The following EPS15 variants were observed in gnomAD, a reference collection of about 807,000 sequenced individuals.
EPS15 encodes epidermal growth factor receptor pathway substrate 15.
A neutral mutation model predicts 113.8 loss-of-function variants in EPS15; 72 were observed. The observed-to-expected ratio is 0.63, with a 90% CI of 0.52 to 0.77. The LOEUF (loss-of-function observed/expected upper bound fraction) is 0.77. Ranked by LOEUF, EPS15 falls within the 30% of genes least tolerant of loss-of-function variation. The probability of loss-of-function intolerance (pLI) is 0.00; values close to 1 mark genes in which losing one functional copy is unlikely to be tolerated. For missense variants in EPS15, 1,048 were observed against 1,045.8 expected (o/e 1.00, Z -0.03); for synonymous variants, 344 against 363.4 (o/e 0.95, Z 0.61).
intron 2 of EPS15, among the ~76,000 whole-genome samples, chr1:51,474,127 T>C (rs12737451): frequency 0.053 from 8,138 of 152,354 alleles, 310 homozygotes; most frequent in Non-Finnish European, 0.084. Flanking sequence ...TTCCATTCTT[T>C]TGGTTACCCT....
At chr1:51,474,343 C>T (rs1206273571) in intron 2 of EPS15, among the ~76,000 whole-genome samples, 1 of 152,176 alleles carries the variant, frequency 6.6e-6, no homozygotes, top group Non-Finnish European at 1.5e-5. Context: ...GAATTATTAA[C>T]ATTTCAAAAA....
intron 2 of EPS15, among the ~76,000 whole-genome samples, chr1:51,475,862 G>A (rs1383589315): frequency 1.3e-5 from 2 of 152,176 alleles, no homozygotes; most frequent in Non-Finnish European, 2.9e-5. Context: ...TTTGTAGAAG[G>A]TGTAAGGAAC....
At chr1:51,499,397 T>C (rs2148548388) in intron 1 of EPS15, among the ~76,000 whole-genome samples, 1 of 152,358 alleles carries the variant, frequency 6.6e-6, no homozygotes, top group East Asian at 1.9e-4. Context: ...GGGTTATTTC[T>C]ACCTTTTAAT....
chr1:51,494,044 A>G (rs1644287499), intron 1 of EPS15, among the ~76,000 whole-genome samples: 2 of 152,158 alleles, frequency 1.3e-5, no homozygotes, highest in Admixed American at 1.3e-4. Flanking sequence ...CCAACCCTAC[A>G]TCAAATTTAG....
intron 13 of EPS15, among the ~76,000 whole-genome samples, chr1:51,410,397 A>AG (rs1649596483): frequency 6.6e-6 from 1 of 152,112 alleles, no homozygotes; most frequent in Non-Finnish European, 1.5e-5. Context: ...GTCTCCAAAA[A>AG]AAAAAAAAAG....
intron 21 of EPS15, among the ~76,000 whole-genome samples, chr1:51,376,877 A>T (rs1015408624): frequency 1.3e-5 from 2 of 152,230 alleles, no homozygotes; most frequent in Non-Finnish European, 2.9e-5. Flanking sequence ...TTATAAGGCT[A>T]TAGCTGCCAT....
chr1:51,396,933 TG>T (rs2148409920), intron 20 of EPS15, among the ~76,000 whole-genome samples: 1 of 152,008 alleles, frequency 6.6e-6, no homozygotes, highest in South Asian at 2.1e-4. Context: ...CAAGCTGGAG[TG>T]CTGTGGTACA....
chr1:51,387,236 G>T (rs1647106206), intron 21 of EPS15, among the ~76,000 whole-genome samples: 1 of 151,868 alleles, frequency 6.6e-6, no homozygotes, highest in African/African-American at 2.4e-5. Flanking sequence ...ATAAGTGAAG[G>T]AGAAATAAAA....
intron 1 of EPS15, among the ~76,000 whole-genome samples, chr1:51,500,096 T>C (rs761308476): frequency 6.6e-6 from 1 of 152,246 alleles, no homozygotes; most frequent in Admixed American, 6.5e-5. Flanking sequence ...CTTTAAGATT[T>C]TTCCTTCTTG....
chr1:51,399,213 C>A, intron 19 of EPS15, 48 bp from the exon 20 acceptor site: 1 of 1,571,174 alleles, frequency 6.4e-7, no homozygotes. Flanking sequence ...AATTATTGCA[C>A]TAAATTTCCC....
chr1:51,448,140 A>C lies in EPS15; in HGVS notation c.562-5T>G. The C allele has an allele frequency of 6.3e-7, 1 of 1,594,410 alleles. No homozygotes were observed. Among genetic ancestry groups the C allele is most frequent in the Non-Finnish European group, 8.6e-7 (1 of 1,162,780 alleles). Reference sequence around the variant, plus strand: ...ACAGTATACCAAAAACATGGCCTTCAAAATAAATGAACCAGGGTCATATAT... The same window carrying C: ...ACAGTATACCAAAAACATGGCCTTCCAAATAAATGAACCAGGGTCATATAT... On this transcript the variant is annotated splice_region_variant and splice_polypyrimidine_tract_variant and intron_variant, in intron 8 of 24. Coordinates refer to ENST00000371733, the MANE Select transcript of EPS15 (RefSeq NM_001981.3).
At chr1:51,510,178 C>A (rs1171025618) in intron 1 of EPS15, among the ~76,000 whole-genome samples, 1 of 152,116 alleles carries the variant, frequency 6.6e-6, no homozygotes, top group African/African-American at 2.4e-5. Context: ...CCACTATTGA[C>A]CTCCTCCCCA....
chr1:51,515,851 T>G (rs1273764198), intron 1 of EPS15, among the ~76,000 whole-genome samples: 1 of 152,240 alleles, frequency 6.6e-6, no homozygotes, highest in Non-Finnish European at 1.5e-5. Flanking sequence ...CACCACTTAC[T>G]AGCTTACTTA....
At chr1:51,510,281 C>A (rs547607493) in intron 1 of EPS15, among the ~76,000 whole-genome samples, 5 of 152,212 alleles carry the variant, frequency 3.3e-5, no homozygotes, top group Admixed American at 1.3e-4. Flanking sequence ...TCATTCTTAT[C>A]CCAAAATTTG....
intron 1 of EPS15, 49 bp downstream of exon 1, chr1:51,519,150 G>T: frequency 1.5e-6 from 2 of 1,352,354 alleles, no homozygotes; most frequent in Non-Finnish European, 2.0e-6. Flanking sequence ...GGGCGGTGGG[G>T]GAGGGGGCAC....
chr1:51,385,925 T>C (rs928458181), intron 21 of EPS15, among the ~76,000 whole-genome samples: 5 of 152,302 alleles, frequency 3.3e-5, no homozygotes, highest in East Asian at 1.9e-4. Flanking sequence ...ATTTCAGTTC[T>C]GGAATATGAA....
rs756139663 is a variant in EPS15, at chr1:51,409,647, T to C, written c.1163A>G (p.Gln388Arg). The change falls in exon 14 of 25, where the codon CAG becomes CGG. Residue 388 changes from glutamine (Q) to arginine (R), a missense_variant. Gln to Arg is a conservative substitution (Grantham distance 43). Transcript: ENST00000371733. ...TTCCTGTACCTGCTGTTTCTGGGCC[T>C]GTAGTTTTTGCAGATTAGTATTCTC... ...QRENTNLQKLQAQKQQVQELL... is the reference protein window; with the variant it reads ...QRENTNLQKLRAQKQQVQELL... The C allele has an allele frequency of 6.2e-6, 10 of 1,613,290 alleles. No individual in the cohort carries two copies. The South Asian group carries it at 9.9e-5, about 16-fold the overall frequency.
At position 51,446,682 on chromosome 1, in the gene EPS15, C is replaced by T. The variant is rs956222741; in HGVS notation, c.797+278G>A. On this transcript the variant is annotated intron_variant, in intron 10 of 24. Transcript: ENST00000371733. Reference sequence around the variant, plus strand: ...GTTGGCCAAGCTGGTCTCAAACTCCCGACCTCAGGTGATCCACCCACCTCG... The same window carrying T: ...GTTGGCCAAGCTGGTCTCAAACTCCTGACCTCAGGTGATCCACCCACCTCG... Among the ~76,000 whole-genome samples the T allele has an allele frequency of 3.3e-5, 5 of 151,904 alleles. No individual in the cohort carries two copies. In the South Asian group the frequency reaches 8.3e-4, roughly 25 times the overall value.
chr1:51,440,915 G>GT (rs1474648843), intron 11 of EPS15, among the ~76,000 whole-genome samples: 3 of 151,912 alleles, frequency 2.0e-5, no homozygotes, highest in Admixed American at 2.0e-4. Context: ...TTTTACTTTT[G>GT]TTACATACTG....
Sources: allele counts gnomAD v4.1 joint callset (sites outside exome capture counted in the v4.1 genomes callset), GRCh38; gene constraint gnomAD v4.1.1; transcripts MANE v1.5; gene names NCBI Gene and HGNC (gene_info 2026-07-23, HGNC 2026-07-21).